PIEZO2: variants seen among roughly 807,000 people sequenced by gnomAD.
PIEZO2 encodes piezo type mechanosensitive ion channel component 2, also known as piezo-type mechanosensitive ion channel component 2.
PIEZO2 carries 172 observed loss-of-function variants against 337.3 expected under a neutral mutation model. The observed-to-expected ratio is 0.51, with a 90% CI of 0.45 to 0.58. The LOEUF (loss-of-function observed/expected upper bound fraction) is 0.58. Among genes scored for constraint, PIEZO2 ranks in the 20% least tolerant of loss-of-function variants. The probability of loss-of-function intolerance (pLI) is 0.00; values close to 1 mark genes in which losing one functional copy is unlikely to be tolerated. For missense variants in PIEZO2, 3,028 were observed against 3,391.3 expected, an observed-to-expected ratio of 0.89 and a Z score of 2.66; for synonymous variants, 1,251 against 1,228.5, an observed-to-expected ratio of 1.02 and a Z score of -0.38.
chr18:11,003,682 T>C lies in PIEZO2; in HGVS notation c.161-24022A>G, dbSNP rs1460063550. Among the ~76,000 whole-genome samples, 1 of 152,146 alleles carries C rather than the reference T, an allele frequency of 6.6e-6. No individual in the cohort carries two copies. Among genetic ancestry groups the C allele is most frequent in the Non-Finnish European group, 1.5e-5 (1 of 68,028 alleles). On this transcript the variant is annotated intron_variant, in intron 2 of 55. Coordinates refer to ENST00000674853, the MANE Select transcript of PIEZO2 (RefSeq NM_001378183.1). The surrounding 1 kb of genome is among the most constrained non-coding windows in gnomAD (Gnocchi z 4.6). ...CCGTCCCATCTTGGGCACACTCACA[T>C]ACTAGCACACAGACTGGGACCATGT...
Position 10,993,266 on chromosome 18 carries a change from A to C in PIEZO2, c.161-13606T>G, listed in dbSNP as rs1375657869. Among the ~76,000 whole-genome samples, 1 of 152,088 alleles carries C rather than the reference A, an allele frequency of 6.6e-6. No individual in the cohort carries two copies. The highest frequency in any genetic ancestry group is 1.5e-5 in the Non-Finnish European group (1 of 68,008). Reference sequence around the variant, plus strand: ...GCCAGAACTTCCAATACTATGTTGAATAGGAGTGGTGAGAGAGTGCCGGTT... The same window carrying C: ...GCCAGAACTTCCAATACTATGTTGACTAGGAGTGGTGAGAGAGTGCCGGTT... On this transcript the variant is annotated intron_variant, in intron 2 of 55. Transcript: ENST00000674853. This position sits in a 1 kb window ranked among gnomAD's most constrained non-coding sequence, Gnocchi z 5.0.
At chr18:10,930,158 T>A (rs1393336264) in intron 3 of PIEZO2, among the ~76,000 whole-genome samples, 2 of 152,260 alleles carry the variant, frequency 1.3e-5, no homozygotes, top group East Asian at 3.8e-4. Flanking sequence ...CCTGCAAAGC[T>A]GTCTCTTGTG....
intron 2 of PIEZO2, among the ~76,000 whole-genome samples, chr18:10,989,570 C>A (rs559380774): frequency 7.5e-4 from 113 of 151,158 alleles, no homozygotes; most frequent in African/African-American, 2.6e-3. Context: ...TATTTACAGA[C>A]AGATGAATAA....
chr18:10,786,241 T>C (rs753859525), intron 16 of PIEZO2, among the ~76,000 whole-genome samples: 1 of 152,236 alleles, frequency 6.6e-6, no homozygotes, highest in Non-Finnish European at 1.5e-5. Context: ...ATAGACTTAT[T>C]TTACACTAAA....
At chr18:10,886,329 T>TATATATATATATATATACATATAC (rs1568165051) in intron 4 of PIEZO2, among the ~76,000 whole-genome samples, 1 of 14,386 alleles carries the variant, frequency 7.0e-5, no homozygotes, top group African/African-American at 4.7e-4. Flanking sequence ...CATACATATA[T>TATATATATATATATATACATATAC]ATATATATAT....
Position 10,781,153 on chromosome 18 carries a change from C to A in PIEZO2, c.2493-787G>T, listed in dbSNP as rs535512803. ...CATAATAATACTTTCTAAAACAAAC[C>A]TGCATAAATTAAAGAGCTATAAAAG... On this transcript the variant is annotated intron_variant, in intron 17 of 55. Coordinates refer to ENST00000674853, the MANE Select transcript of PIEZO2 (RefSeq NM_001378183.1). This position sits in a 1 kb window ranked among gnomAD's most constrained non-coding sequence, Gnocchi z 4.1. Among the ~76,000 whole-genome samples the A allele has an allele frequency of 6.6e-6, 1 of 151,986 alleles. No homozygotes were observed. Among genetic ancestry groups the A allele is most frequent in the Non-Finnish European group, 1.5e-5 (1 of 68,000 alleles).
rs1393470936 is a variant in PIEZO2, at chr18:10,893,680, T to C, written c.329+17506A>G. Reference sequence around the variant, plus strand: ...ATCTCAATGTTGGCTATAAGGTACGTTTTTAACAAACATTTTTAATTGAAT... The same window carrying C: ...ATCTCAATGTTGGCTATAAGGTACGCTTTTAACAAACATTTTTAATTGAAT... On this transcript the variant is annotated intron_variant, in intron 4 of 55. Coordinates refer to ENST00000674853, the MANE Select transcript of PIEZO2 (RefSeq NM_001378183.1). The C allele has an allele frequency of 3.3e-5, 5 of 152,214 alleles. No individual in the cohort carries two copies. In the East Asian group the frequency reaches 9.6e-4, roughly 29 times the overall value. The allele number at this position is 152,214 out of a possible 1,614,324, so 9.4% of individuals were successfully genotyped here. A position where few individuals can be genotyped will look rare whatever the true frequency, so the allele number is the denominator to read the frequency against.
At position 10,781,183 on chromosome 18, in the gene PIEZO2, G is replaced by A. The variant is rs1427098264; in HGVS notation, c.2493-817C>T. ...TAAATTAAAGAGCTATAAAAGTAAT[G>A]AATATGGCCGGGTGTGGTGGCTCAC... On this transcript the variant is annotated intron_variant, in intron 17 of 55. Coordinates refer to ENST00000674853, the MANE Select transcript of PIEZO2 (RefSeq NM_001378183.1). The surrounding 1 kb of genome is among the most constrained non-coding windows in gnomAD (Gnocchi z 4.1). 1.3e-5 allele frequency among the ~76,000 whole-genome samples: 2 copies of A among 152,054 alleles called. No homozygotes were observed. The highest frequency in any genetic ancestry group is 4.8e-5 in the African/African-American group (2 of 41,390).
chr18:10,681,813 C>A, intron 50 of PIEZO2, 60 bp from the exon 51 acceptor site: 1 of 1,393,378 alleles, frequency 7.2e-7, no homozygotes, highest in South Asian at 1.2e-5. Context: ...CATCCTGAGT[C>A]AAAAGAAAAA....
intron 4 of PIEZO2, among the ~76,000 whole-genome samples, chr18:10,910,890 T>A (rs1268110052): frequency 6.6e-6 from 1 of 152,030 alleles, no homozygotes; most frequent in Non-Finnish European, 1.5e-5. Context: ...AACCATTTCC[T>A]GGGATTCTCT....
intron 1 of PIEZO2, among the ~76,000 whole-genome samples, chr18:11,081,046 G>T (rs954475575): frequency 1.3e-5 from 2 of 152,074 alleles, no homozygotes; most frequent in Non-Finnish European, 2.9e-5. Flanking sequence ...TAATATTTGG[G>T]TAATAATTTC....
At chr18:11,086,379 G>A (rs892625400) in intron 1 of PIEZO2, among the ~76,000 whole-genome samples, 3 of 151,698 alleles carry the variant, frequency 2.0e-5, no homozygotes, top group African/African-American at 7.3e-5. Context: ...AATTAGCCGG[G>A]CGTGGTGCGG....
intron 47 of PIEZO2, among the ~76,000 whole-genome samples, chr18:10,693,353 ATT>A (rs35990945): frequency 0.056 from 4,837 of 85,862 alleles, 207 homozygotes; most frequent in African/African-American, 0.18. Context: ...TCCAATCTGG[ATT>A]TTGTGTGTGT....
At chr18:10,844,219 G>A (rs1303823319) in intron 7 of PIEZO2, among the ~76,000 whole-genome samples, 1 of 151,828 alleles carries the variant, frequency 6.6e-6, no homozygotes, top group Non-Finnish European at 1.5e-5. Context: ...AGGAGTTCGA[G>A]ACCAGCCTGG....
intron 2 of PIEZO2, among the ~76,000 whole-genome samples, chr18:11,053,290 AC>A (rs1213559249): frequency 6.6e-6 from 1 of 152,224 alleles, no homozygotes; most frequent in African/African-American, 2.4e-5. Flanking sequence ...CACCAAAAAA[AC>A]CTTGCAAATT....
intron 3 of PIEZO2, among the ~76,000 whole-genome samples, chr18:10,918,772 A>G (rs1766570408): frequency 6.6e-6 from 1 of 152,070 alleles, no homozygotes; most frequent in South Asian, 2.1e-4. Flanking sequence ...AATTAACTCA[A>G]TGTCTATAAA....
chr18:10,851,970 T>C (rs1458586092), intron 7 of PIEZO2, among the ~76,000 whole-genome samples: 1 of 152,158 alleles, frequency 6.6e-6, no homozygotes, highest in East Asian at 1.9e-4. Context: ...GTAGAAAGAA[T>C]AAACCAAAAA....
At chr18:11,100,581 C>T (rs370977914) in intron 1 of PIEZO2, among the ~76,000 whole-genome samples, 1 of 152,100 alleles carries the variant, frequency 6.6e-6, no homozygotes, top group African/African-American at 2.4e-5. Context: ...ATTTCAGGGT[C>T]ATGCTCACCA....
intron 2 of PIEZO2, among the ~76,000 whole-genome samples, chr18:10,999,161 C>G (rs1349670888): frequency 6.6e-6 from 1 of 150,538 alleles, no homozygotes; most frequent in African/African-American, 2.4e-5. Flanking sequence ...GAACTCTGAG[C>G]CTCCTCAGTG....
Sources: allele counts gnomAD v4.1 joint callset (sites outside exome capture counted in the v4.1 genomes callset), GRCh38; gene constraint gnomAD v4.1.1; non-coding constraint Gnocchi (gnomAD v3.1); transcripts MANE v1.5; gene names NCBI Gene and HGNC (gene_info 2026-07-23, HGNC 2026-07-21).